MAPK10: variants seen among roughly 807,000 people sequenced by gnomAD.
MAPK10 encodes JNK3 alpha protein kinase.
MAPK10 carries 25 observed loss-of-function variants against 59.3 expected under a neutral mutation model. The ratio of observed to expected loss-of-function variants is 0.42; its 90% confidence interval spans 0.31 to 0.59. MAPK10 has a LOEUF of 0.59. Ranked by LOEUF, MAPK10 falls within the 20% of genes least tolerant of loss-of-function variation. The pLI, the probability that MAPK10 is intolerant of heterozygous loss-of-function variation, is 0.15. For synonymous variants in MAPK10, 190 were observed against 200.5 expected, an observed-to-expected ratio of 0.95 and a Z score of 0.44; for missense variants, 351 against 568.9, an observed-to-expected ratio of 0.62 and a Z score of 3.90.
chr4:86,058,430 G>T (rs3775182), intron 11 of MAPK10, among the ~76,000 whole-genome samples: 11,077 of 149,234 alleles, frequency 0.074, 968 homozygotes, highest in East Asian at 0.18. Context: ...TTGCCTTAGG[G>T]TTGGTCTCAG....
At chr4:86,415,321 T>C (rs1205510056) in intron 1 of MAPK10, among the ~76,000 whole-genome samples, 4 of 152,176 alleles carry the variant, frequency 2.6e-5, no homozygotes, top group African/African-American at 7.2e-5. Flanking sequence ...TAAAGAGGCA[T>C]AGAAACGTCA....
intron 2 of MAPK10, among the ~76,000 whole-genome samples, chr4:86,214,984 A>G (rs2087028606): frequency 6.6e-6 from 1 of 152,208 alleles, no homozygotes; most frequent in East Asian, 1.9e-4. Flanking sequence ...ACAAAACGGA[A>G]GGACCCACAC....
chr4:86,440,627 C>CA (rs59183601), intron 1 of MAPK10, among the ~76,000 whole-genome samples: 5,423 of 108,492 alleles, frequency 0.05, 208 homozygotes, highest in African/African-American at 0.14. Context: ...GATCCTGTCT[C>CA]AAAAAAAAAA....
chr4:86,109,998 T>G (rs2057212550), intron 4 of MAPK10, among the ~76,000 whole-genome samples: 1 of 152,234 alleles, frequency 6.6e-6, no homozygotes, highest in Admixed American at 6.5e-5. Flanking sequence ...TGAGCTTTTT[T>G]TCATGTTTGT....
intron 1 of MAPK10, among the ~76,000 whole-genome samples, chr4:86,384,433 T>C (rs1268939018): frequency 6.6e-6 from 1 of 152,008 alleles, no homozygotes; most frequent in Admixed American, 6.6e-5. Context: ...GTGAGGCCCA[T>C]AGGGTAGCCA....
At chr4:86,270,555 A>G (rs1482625536) in intron 2 of MAPK10, among the ~76,000 whole-genome samples, 2 of 152,068 alleles carry the variant, frequency 1.3e-5, no homozygotes, top group African/African-American at 4.8e-5. Context: ...ATTGACATAA[A>G]GTGAAACACA....
chr4:86,571,275 A>ATG (rs1565058363), intron 1 of MAPK10, among the ~76,000 whole-genome samples: 2 of 148,294 alleles, frequency 1.3e-5, no homozygotes, highest in Admixed American at 6.8e-5. Context: ...ATATATATAT[A>ATG]TATATTACTG....
chr4:86,391,875 A>G (rs1188839405), intron 1 of MAPK10, among the ~76,000 whole-genome samples: 1 of 152,158 alleles, frequency 6.6e-6, no homozygotes, highest in African/African-American at 2.4e-5. Context: ...AATTGCTTCA[A>G]GTAAAATTAT....
At chr4:86,086,179 A>C (rs1398661571) in intron 9 of MAPK10, among the ~76,000 whole-genome samples, 1 of 152,170 alleles carries the variant, frequency 6.6e-6, no homozygotes, top group East Asian at 1.9e-4. Context: ...ACTTAAAATT[A>C]AAATTAATTT....
chr4:86,489,496 G>A (rs1754292070), intron 1 of MAPK10, among the ~76,000 whole-genome samples: 2 of 152,154 alleles, frequency 1.3e-5, no homozygotes, highest in South Asian at 4.2e-4. Flanking sequence ...TGTAATTGAA[G>A]TGTAATAAAT....
chr4:86,487,795 C>A (rs1311413558), intron 1 of MAPK10, among the ~76,000 whole-genome samples: 1 of 151,084 alleles, frequency 6.6e-6, no homozygotes, highest in Non-Finnish European at 1.5e-5. Context: ...TATCTTTCAA[C>A]CTTTCTATAA....
chr4:86,518,492 G>T (rs2149086627), intron 1 of MAPK10, among the ~76,000 whole-genome samples: 1 of 152,086 alleles, frequency 6.6e-6, no homozygotes, highest in Non-Finnish European at 1.5e-5. Context: ...CAATTTATTT[G>T]GATCTTCTCT....
chr4:86,201,588 T>C (rs1412542045), intron 2 of MAPK10, among the ~76,000 whole-genome samples: 1 of 151,928 alleles, frequency 6.6e-6, no homozygotes, highest in Admixed American at 6.6e-5. Context: ...CTATTCCAGA[T>C]AAAAGTCTTC....
chr4:86,335,642 T>C (rs1720800875), intron 2 of MAPK10, among the ~76,000 whole-genome samples: 1 of 151,942 alleles, frequency 6.6e-6, no homozygotes, highest in African/African-American at 2.4e-5. Context: ...TATAAAGACA[T>C]ACCTGAGGCT....
At position 86,358,029 on chromosome 4, in the gene MAPK10, T is replaced by C. The variant is rs1206886388; in HGVS notation, c.-122+1629A>G. ...CACATAAGAAAATAAGCTAATCCAA[T>C]ACTTTATGTCAATTTTAAGAGTGTG... On this transcript the variant is annotated intron_variant, in intron 1 of 13. Transcript: ENST00000641462. 4 of 969,710 alleles carry C rather than the reference T, an allele frequency of 4.1e-6. No homozygotes were observed. In the African/African-American group the frequency reaches 5.3e-5, roughly 13 times the overall value. The allele number at this position is 969,710 out of a possible 1,614,324, so 60.1% of individuals were successfully genotyped here.
intron 4 of MAPK10, among the ~76,000 whole-genome samples, chr4:86,141,643 G>T (rs1467096618): frequency 6.6e-6 from 1 of 152,126 alleles, no homozygotes; most frequent in Non-Finnish European, 1.5e-5. Flanking sequence ...GGGAGAAAAA[G>T]CTCTGTAGAA....
At chr4:86,127,867 T>C (rs1052365358) in intron 4 of MAPK10, among the ~76,000 whole-genome samples, 3 of 152,086 alleles carry the variant, frequency 2.0e-5, no homozygotes, top group Non-Finnish European at 2.9e-5. Flanking sequence ...TACCCTCACA[T>C]TGATCACTAT....
intron 1 of MAPK10, among the ~76,000 whole-genome samples, chr4:86,418,323 C>T (rs1270808581): frequency 6.6e-6 from 1 of 152,012 alleles, no homozygotes; most frequent in Non-Finnish European, 1.5e-5. Context: ...AATGTTGTGT[C>T]CTCTTTAAAC....
intron 1 of MAPK10, among the ~76,000 whole-genome samples, chr4:86,551,076 A>G (rs1759737600): frequency 6.6e-6 from 1 of 152,212 alleles, no homozygotes; most frequent in Non-Finnish European, 1.5e-5. Context: ...CAATAATGCC[A>G]CCCATAGTGC....
Sources: gnomAD v4.1 joint callset for allele counts (sites outside exome capture counted in the v4.1 genomes callset) on GRCh38, gnomAD v4.1.1 for gene constraint, MANE v1.5 for transcripts, NCBI Gene and HGNC (gene_info 2026-07-23, HGNC 2026-07-21) for gene names.